The following MMP14 variants were observed in gnomAD, a reference collection of about 807,000 sequenced individuals.
MMP14 encodes matrix metallopeptidase 14.
Under a neutral mutation model 64.8 loss-of-function variants are expected in MMP14, and 13 were observed. The observed-to-expected ratio is 0.20, with a 90% confidence interval of 0.13 to 0.32. The LOEUF is 0.32. Among genes scored for constraint, MMP14 ranks in the 10% least tolerant of loss-of-function variants. The probability of loss-of-function intolerance (pLI) is 1.00; values close to 1 mark genes in which losing one functional copy is unlikely to be tolerated. For synonymous variants in MMP14, 322 were observed against 315.9 expected (o/e 1.02, Z -0.20); for missense variants, 594 against 783.8 (o/e 0.76, Z 2.89).
In MMP14 at chr14:22,842,291, C is replaced by T. The variant is rs2138740508; in HGVS notation, c.381-119C>T. 1 of 1,184,658 alleles carries T rather than the reference C, an allele frequency of 8.4e-7. No individual in the cohort carries two copies. Among genetic ancestry groups the T allele is most frequent in the Non-Finnish European group, 1.2e-6 (1 of 838,358 alleles). The allele number at this position is 1,184,658 out of a possible 1,614,324, so 73.4% of individuals were successfully genotyped here. On this transcript the variant is annotated intron_variant, in intron 3 of 9. Coordinates refer to ENST00000311852, the MANE Select transcript of MMP14 (RefSeq NM_004995.4). The surrounding 1 kb of genome is among the most constrained non-coding windows in gnomAD (Gnocchi z 5.3). The stretch of plus-strand genomic sequence containing the variant: ...GTTGCGCATGAGGTAGCAGGAAGAG[C>T]TGGGTCAGGCAGAGGTGGCTGGGCC...
chr14:22,842,311 T>A lies in MMP14; in HGVS notation c.381-99T>A. The A allele has an allele frequency of 7.3e-7, 1 of 1,371,520 alleles. No individual in the cohort carries two copies. Among genetic ancestry groups the A allele is most frequent in the Non-Finnish European group, 1.0e-6 (1 of 998,342 alleles). The allele number at this position is 1,371,520 out of a possible 1,614,324, so 85.0% of individuals were successfully genotyped here. Reference sequence around the variant, plus strand: ...AAGAGCTGGGTCAGGCAGAGGTGGCTGGGCCGCGCAGTCAGACCTGGGAGA... The same window carrying A: ...AAGAGCTGGGTCAGGCAGAGGTGGCAGGGCCGCGCAGTCAGACCTGGGAGA... On this transcript the variant is annotated intron_variant, in intron 3 of 9. Transcript: ENST00000311852. The surrounding 1 kb of genome is among the most constrained non-coding windows in gnomAD (Gnocchi z 5.3).
Position 22,843,008 on chromosome 14 carries a change from T to C in MMP14, c.689-249T>C, listed in dbSNP as rs372428069. On this transcript the variant is annotated intron_variant, in intron 4 of 9. Transcript: ENST00000311852. This position sits in a 1 kb window ranked among gnomAD's most constrained non-coding sequence, Gnocchi z 4.8. ...ACTGGGGACTAGAGAGAGCCTTGGC[T>C]TCCCTTACCACAGGTCTTCCCGGGA... Among the ~76,000 whole-genome samples the C allele has an allele frequency of 7.9e-5, 12 of 152,336 alleles. No individual in the cohort carries two copies. Among genetic ancestry groups the C allele is most frequent in the African/African-American group, 2.6e-4 (11 of 41,586 alleles).
intron 1 of MMP14, among the ~76,000 whole-genome samples, chr14:22,841,003 C>T (rs2039769287): frequency 6.6e-6 from 1 of 152,228 alleles, no homozygotes; most frequent in African/African-American, 2.4e-5. Flanking sequence ...AAGATCTCAG[C>T]TGTGAGGGTC....
intron 1 of MMP14, chr14:22,837,151 C>T: frequency 2.9e-6 from 2 of 684,840 alleles, no homozygotes; most frequent in Non-Finnish European, 5.4e-6. Context: ...GCGCCGCCGA[C>T]TCTCCTTCCC....
chr14:22,844,674 T>C lies in MMP14; in HGVS notation c.1195T>C (p.Tyr399His). ...VFDEASLEPG[Y>H]PKHIKELGRG... ...TGATGAGGCGTCCCTGGAACCTGGCTACCCCAAGCACATTAAGGAGCTGGG... is the reference window on the plus strand; with the variant it reads ...TGATGAGGCGTCCCTGGAACCTGGCCACCCCAAGCACATTAAGGAGCTGGG... Residue 399 changes from tyrosine to histidine, a missense_variant, in exon 8 of 10, where the codon TAC becomes CAC. Transcript: ENST00000311852. 6.2e-7 allele frequency: 1 copy of C among 1,614,102 alleles called. No individual in the cohort carries two copies.
In MMP14 at chr14:22,836,678, T is replaced by C; in HGVS notation, c.-140T>C. Reference sequence around the variant, plus strand: ...ACTTTGAGGAACAATCCCCTTTAACTCCAAGCCGACAGCGGTCTAGGAATT... The same window carrying C: ...ACTTTGAGGAACAATCCCCTTTAACCCCAAGCCGACAGCGGTCTAGGAATT... On this transcript the variant is annotated 5_prime_UTR_variant, in exon 1 of 10. Transcript: ENST00000311852. 1 of 552,912 alleles carries C rather than the reference T, an allele frequency of 1.8e-6. No homozygotes were observed. Among genetic ancestry groups the C allele is most frequent in the East Asian group, 3.1e-5 (1 of 32,590 alleles). The allele number at this position is 552,912 out of a possible 1,614,324, so 34.3% of individuals were successfully genotyped here.
In MMP14 at chr14:22,843,002, C is replaced by T. The variant is rs1399101657; in HGVS notation, c.689-255C>T. On this transcript the variant is annotated intron_variant, in intron 4 of 9. Transcript: ENST00000311852. This position sits in a 1 kb window ranked among gnomAD's most constrained non-coding sequence, Gnocchi z 4.8. ...GGAGAAACTGGGGACTAGAGAGAGC[C>T]TTGGCTTCCCTTACCACAGGTCTTC... is the stretch of plus-strand genomic sequence containing the variant. 6.6e-6 allele frequency among the ~76,000 whole-genome samples: 1 copy of T among 152,202 alleles called. No homozygotes were observed. Among genetic ancestry groups the T allele is most frequent in the Non-Finnish European group, 1.5e-5 (1 of 68,036 alleles).
In MMP14 at chr14:22,836,945, C is replaced by A. The variant is rs2138732803; in HGVS notation, c.108+20C>A. The A allele has an allele frequency of 1.9e-6, 3 of 1,601,736 alleles. No homozygotes were observed. The highest frequency in any genetic ancestry group is 2.6e-6 in the Non-Finnish European group (3 of 1,171,420). On this transcript the variant is annotated intron_variant, in intron 1 of 9. Transcript: ENST00000311852. ...CCCGAAGTAAGTGAGCTTCCCGGCC[C>A]TTCCCGGAGTCGCGCCCGCCGGGAG...
rs571738135 is a variant in MMP14 at position 22,838,535 on chromosome 14, C to A, written c.108+1610C>A. 2.0e-5 allele frequency among the ~76,000 whole-genome samples: 3 copies of A among 152,184 alleles called. No individual in the cohort carries two copies. The East Asian group carries it at 5.8e-4, about 29-fold the overall frequency. ...CCCTAAGCCAAGGTGGGAGGTGTTC[C>A]GTTGACTTTCTCCTAGGGGATACCT... On this transcript the variant is annotated intron_variant, in intron 1 of 9. Transcript: ENST00000311852.
chr14:22,846,147 C>T lies in MMP14; in HGVS notation c.*108C>T, dbSNP rs570924872. ...TTCCCATCGTCCCGAGCCCCCTCCC[C>T]GCAGCCTCCTTGCTTCTCTCTGTCC... On this transcript the variant is annotated 3_prime_UTR_variant, in exon 10 of 10. Coordinates refer to ENST00000311852, the MANE Select transcript of MMP14 (RefSeq NM_004995.4). 1.4e-4 allele frequency: 158 copies of T among 1,089,720 alleles called. No individual in the cohort carries two copies. Among genetic ancestry groups the T allele is most frequent in the South Asian group, 1.3e-3 (78 of 59,686 alleles). The allele number at this position is 1,089,720 out of a possible 1,614,324, so 67.5% of individuals were successfully genotyped here. A position where few individuals can be genotyped will look rare whatever the true frequency, so the allele number is the denominator to read the frequency against.
chr14:22,844,319 A>G, intron 6 of MMP14, 52 bp from the exon 7 acceptor site: 1 of 1,604,504 alleles, frequency 6.2e-7, no homozygotes, highest in Non-Finnish European at 8.5e-7. Context: ...ACTGAACCAG[A>G]GACCTAGGCC....
intron 1 of MMP14, among the ~76,000 whole-genome samples, chr14:22,840,926 A>C (rs2039768634): frequency 6.6e-6 from 1 of 152,162 alleles, no homozygotes; most frequent in African/African-American, 2.4e-5. Context: ...CCACATTCCA[A>C]GTTCCTAGTT....
chr14:22,839,660 A>G (rs1232236049), intron 1 of MMP14, among the ~76,000 whole-genome samples: 2 of 152,088 alleles, frequency 1.3e-5, no homozygotes, highest in Non-Finnish European at 2.9e-5. Flanking sequence ...GTCCCCAGTC[A>G]GCTGCTCTTG....
rs2039779471 is a variant in MMP14, at chr14:22,842,423, A to C, written c.394A>C (p.Thr132Pro). 1 of 1,610,722 alleles carries C rather than the reference A, an allele frequency of 6.2e-7. No individual in the cohort carries two copies. Among genetic ancestry groups the C allele is most frequent in the Non-Finnish European group, 8.5e-7 (1 of 1,177,978 alleles). The change falls in exon 4 of 10, where the codon ACC becomes CCC. Residue 132 changes from threonine to proline, a missense_variant. Around this residue, in one of 4 missense-constraint regions of MMP14, gnomAD observed 179 missense variants for 283.4 expected, o/e 0.63. Coordinates refer to ENST00000311852, the MANE Select transcript of MMP14 (RefSeq NM_004995.4). The surrounding 1 kb of genome is among the most constrained non-coding windows in gnomAD (Gnocchi z 5.3). ...NEITFCIQNYTPKVGEYATYE... is the reference protein window; with the variant it reads ...NEITFCIQNYPPKVGEYATYE... ...GCTGGACCTCAGCATCCAGAATTAC[A>C]CCCCCAAGGTGGGCGAGTATGCCAC...
chr14:22,843,297 T>C lies in MMP14; in HGVS notation c.729T>C (p.His243=), dbSNP rs1268532425. Reference sequence around the variant, plus strand: ...TGGTGGCTGTGCACGAGCTGGGCCATGCCCTGGGGCTCGAGCATTCCAGTG... The same window carrying C: ...TGGTGGCTGTGCACGAGCTGGGCCACGCCCTGGGGCTCGAGCATTCCAGTG... ...IFLVAVHELG[H]ALGLEHSSDP... The change falls in exon 5 of 10, where the codon CAT becomes CAC. Residue 243 remains histidine (H), a synonymous_variant. Transcript: ENST00000311852. This position sits in a 1 kb window ranked among gnomAD's most constrained non-coding sequence, Gnocchi z 4.8. 1 of 1,614,106 alleles carries C rather than the reference T, an allele frequency of 6.2e-7. No homozygotes were observed. The highest frequency in any genetic ancestry group is 1.7e-5 in the Admixed American group (1 of 60,022).
chr14:22,844,486 A>T lies in MMP14; in HGVS notation c.1127A>T (p.Asp376Val). The T allele has an allele frequency of 1.2e-6, 2 of 1,614,166 alleles. No homozygotes were observed. The highest frequency in any genetic ancestry group is 1.7e-6 in the Non-Finnish European group (2 of 1,180,016). Residue 376 changes from aspartate to valine, a missense_variant, in exon 7 of 10, where the codon GAT becomes GTT. Asp to Val is a radical substitution (Grantham distance 152). Transcript: ENST00000311852. ...ATCAACACTGCCTACGAGAGGAAGG[A>T]TGGCAAATTCGTCTTCTTCAAAGGT... The part of the protein sequence containing the change: ...ASINTAYERK[D>V]GKFVFFKGDK...
In MMP14 at chr14:22,845,943, G is replaced by A; in HGVS notation, c.1653G>A (p.Leu551=). The A allele has an allele frequency of 1.3e-6, 2 of 1,594,892 alleles. No homozygotes were observed. Among genetic ancestry groups the A allele is most frequent in the South Asian group, 1.1e-5 (1 of 89,526 alleles). The change falls in exon 10 of 10, where the codon CTG becomes CTA. Residue 551 remains leucine, a synonymous_variant. Coordinates refer to ENST00000311852, the MANE Select transcript of MMP14 (RefSeq NM_004995.4). The part of the protein sequence containing the change: ...AVVLPVLLLL[L]VLAVGLAVFF... ...TGCTGCCCGTGCTGCTGCTGCTCCTGGTGCTGGCGGTGGGCCTTGCAGTCT... is the reference window on the plus strand; with the variant it reads ...TGCTGCCCGTGCTGCTGCTGCTCCTAGTGCTGGCGGTGGGCCTTGCAGTCT...
chr14:22,841,366 G>A (rs1432931994), intron 1 of MMP14, 125 bp from the exon 2 acceptor site: 2 of 1,269,124 alleles, frequency 1.6e-6, no homozygotes, highest in Non-Finnish European at 2.2e-6. Context: ...TGCTGCCGGA[G>A]CCAAGCTGGG....
At position 22,836,704 on chromosome 14, in the gene MMP14, C is replaced by A. The variant is rs1046057756; in HGVS notation, c.-114C>A. ...CCAAGCCGACAGCGGTCTAGGAATT[C>A]AAGTTCAGTGCCTACCGAAGACAAA... On this transcript the variant is annotated 5_prime_UTR_variant, in exon 1 of 10. Coordinates refer to ENST00000311852, the MANE Select transcript of MMP14 (RefSeq NM_004995.4). The A allele has an allele frequency of 5.1e-6, 3 of 584,468 alleles. No individual in the cohort carries two copies. Among genetic ancestry groups the A allele is most frequent in the African/African-American group, 1.9e-5 (1 of 51,676 alleles). The allele number at this position is 584,468 out of a possible 1,614,324, so 36.2% of individuals were successfully genotyped here. A position where few individuals can be genotyped will look rare whatever the true frequency, so the allele number is the denominator to read the frequency against.
Sources: gnomAD v4.1 joint callset for allele counts (sites outside exome capture counted in the v4.1 genomes callset) on GRCh38, gnomAD v4.1.1 for gene constraint, gnomAD v4.1.1 regional missense constraint, Gnocchi (gnomAD v3.1) non-coding constraint, MANE v1.5 for transcripts, NCBI Gene and HGNC (gene_info 2026-07-23, HGNC 2026-07-21) for gene names.